Variants in WDR59 observed in about 807,000 individuals in gnomAD.
WDR59 encodes the protein WD repeat domain 59.
Under a neutral mutation model 131.2 loss-of-function variants are expected in WDR59, and 100 were observed. The ratio of observed to expected loss-of-function variants is 0.76; its 90% confidence interval spans 0.65 to 0.90. WDR59 has a LOEUF of 0.90. Among genes scored for constraint, WDR59 ranks in the 40% least tolerant of loss-of-function variants. The pLI, the probability that WDR59 is intolerant of heterozygous loss-of-function variation, is 0.00. For missense variants in WDR59, 1,203 were observed against 1,262.2 expected, an observed-to-expected ratio of 0.95 and a Z score of 0.71; for synonymous variants, 601 against 466.2, an observed-to-expected ratio of 1.29 and a Z score of -3.72.
chr16:74,905,488 T>C (rs1965760336), intron 17 of WDR59, among the ~76,000 whole-genome samples: 1 of 151,192 alleles, frequency 6.6e-6, no homozygotes, highest in Admixed American at 6.6e-5. Flanking sequence ...GAGACCATCC[T>C]GGCTAACATG....
In WDR59 at chr16:74,892,535, A is replaced by G. The variant is rs1270893057; in HGVS notation, c.2031T>C (p.Cys677=). The change falls in exon 20 of 26, where the codon TGT becomes TGC. Residue 677 remains cysteine (C), a synonymous_variant. Transcript: ENST00000262144. ...ILNVNDIQET[C]QKNAASALLV... ...GCAAGGCAGAGGCGGCATTCTTCTGACATGTTTCCTGAATATCATTCACAT... is the reference window on the plus strand; with the variant it reads ...GCAAGGCAGAGGCGGCATTCTTCTGGCATGTTTCCTGAATATCATTCACAT... 6.2e-7 allele frequency: 1 copy of G among 1,613,868 alleles called. No homozygotes were observed. The highest frequency in any genetic ancestry group is 1.1e-5 in the South Asian group (1 of 91,070).
At chr16:74,934,929 C>T (rs1043502916) in intron 8 of WDR59, among the ~76,000 whole-genome samples, 1 of 151,926 alleles carries the variant, frequency 6.6e-6, no homozygotes, top group Admixed American at 6.6e-5. Context: ...ATGTTTCTCA[C>T]CAGAATGTAG....
chr16:74,938,508 G>A (rs2031979265), intron 7 of WDR59, among the ~76,000 whole-genome samples: 1 of 152,104 alleles, frequency 6.6e-6, no homozygotes, highest in African/African-American at 2.4e-5. Context: ...CCACTTCAAT[G>A]AAGGATACAA....
intron 3 of WDR59, 68 bp downstream of exon 3, chr16:74,956,407 G>T (rs1374969496): frequency 1.9e-6 from 3 of 1,574,242 alleles, no homozygotes; most frequent in Non-Finnish European, 2.6e-6. Context: ...CTCTACACAG[G>T]GCATAGATCT....
Position 74,898,731 on chromosome 16 carries a change from C to T in WDR59, c.1867-4919G>A, listed in dbSNP as rs75318655. 3.3e-3 allele frequency among the ~76,000 whole-genome samples: 496 copies of T among 152,326 alleles called. 9 individuals are homozygous for T. The highest frequency in any genetic ancestry group is 4.0e-3 in the Non-Finnish European group (270 of 68,028). Reference sequence around the variant, plus strand: ...AAGCCACCAACTGCTTCGCAGAAACCCCATTAGCAATGCATAATCCGCAGA... The same window carrying T: ...AAGCCACCAACTGCTTCGCAGAAACTCCATTAGCAATGCATAATCCGCAGA... On this transcript the variant is annotated intron_variant, in intron 18 of 25. Transcript: ENST00000262144.
chr16:74,933,425 C>G (rs1178171140), intron 8 of WDR59, among the ~76,000 whole-genome samples: 2 of 152,040 alleles, frequency 1.3e-5, no homozygotes, highest in Non-Finnish European at 2.9e-5. Context: ...CAGAGATTCA[C>G]CAAAATACTG....
intron 17 of WDR59, among the ~76,000 whole-genome samples, chr16:74,905,214 A>G (rs1299226045): frequency 6.6e-6 from 1 of 152,024 alleles, no homozygotes; most frequent in Non-Finnish European, 1.5e-5. Context: ...CATCACTACT[A>G]AAAATACAAA....
chr16:74,950,406 T>C lies in WDR59; in HGVS notation c.327-608A>G, dbSNP rs574278816. 2.0e-5 allele frequency among the ~76,000 whole-genome samples: 3 copies of C among 152,252 alleles called. No individual in the cohort carries two copies. The South Asian group carries it at 6.2e-4, about 32-fold the overall frequency. ...AACAAAGGAAAAACACATAAAGTAA[T>C]CTTTATCATTTTCTAAATCAAATTC... On this transcript the variant is annotated intron_variant, in intron 4 of 25. Coordinates refer to ENST00000262144, the MANE Select transcript of WDR59 (RefSeq NM_030581.4).
chr16:74,959,371 C>G (rs1316284624), intron 2 of WDR59: 3 of 296,484 alleles, frequency 1.0e-5, no homozygotes, highest in Non-Finnish European at 2.0e-5. Context: ...CACCGTCTAC[C>G]CACTTAAAGA....
chr16:74,885,144 C>A (rs1036608343), intron 25 of WDR59, among the ~76,000 whole-genome samples: 1 of 152,110 alleles, frequency 6.6e-6, no homozygotes, highest in African/African-American at 2.4e-5. Context: ...ATATCAACTA[C>A]TTCTGTTGCA....
intron 8 of WDR59, among the ~76,000 whole-genome samples, chr16:74,933,689 C>T (rs924069290): frequency 8.5e-5 from 13 of 152,256 alleles, no homozygotes; most frequent in Middle Eastern, 6.8e-3. Flanking sequence ...CAGGTTCAAG[C>T]GATTCTCCTG....
chr16:74,905,140 C>G (rs548246019), intron 17 of WDR59, among the ~76,000 whole-genome samples: 1 of 152,216 alleles, frequency 6.6e-6, no homozygotes, highest in Admixed American at 6.5e-5. Flanking sequence ...CTTTGGGAGG[C>G]CAAGGCGGGC....
In WDR59 at chr16:74,929,535, G is replaced by A. The variant is rs1043837624; in HGVS notation, c.652-5532C>T. ...ATCCAAAAGACAGGCAATAATGAAC[G>A]CTGGCAAGGATGTGGAGAAAAGGGA... On this transcript the variant is annotated intron_variant, in intron 8 of 25. Transcript: ENST00000262144. Among the ~76,000 whole-genome samples the A allele has an allele frequency of 1.5e-4, 23 of 152,138 alleles. 1 individual carries two copies. The highest frequency in any genetic ancestry group is 1.2e-3 in the Admixed American group (19 of 15,262).
At chr16:74,934,214 T>C (rs898975301) in intron 8 of WDR59, among the ~76,000 whole-genome samples, 5 of 152,226 alleles carry the variant, frequency 3.3e-5, no homozygotes, top group African/African-American at 9.6e-5. Context: ...TTAATATGAA[T>C]ACATTTCAGC....
rs140936498 is a variant in WDR59 at position 74,948,817 on chromosome 16, A to G, written c.408-261T>C. Among the ~76,000 whole-genome samples, 1,122 of 152,234 alleles carry G rather than the reference A, an allele frequency of 7.4e-3. 23 individuals carry two copies. Among genetic ancestry groups the G allele is most frequent in the African/African-American group, 0.025 (1,045 of 41,536 alleles). ...AGAGTTCGAGACCAGCCTGACCAAC[A>G]TGATGAAACCCCATCTCTACTAAAA... On this transcript the variant is annotated intron_variant, in intron 5 of 25. Transcript: ENST00000262144.
intron 14 of WDR59, 113 bp from the exon 15 acceptor site, chr16:74,910,030 C>A (rs12324959): frequency 0.079 from 68,595 of 864,666 alleles, 3,339 homozygotes; most frequent in Admixed American, 0.17. Context: ...TGTAGTGGTA[C>A]GATCTCGGCT....
At chr16:74,920,461 C>T (rs891542859) in intron 10 of WDR59, among the ~76,000 whole-genome samples, 2 of 152,084 alleles carry the variant, frequency 1.3e-5, no homozygotes, top group South Asian at 4.1e-4. Flanking sequence ...AGTGCAGTGG[C>T]ACAATCTCAG....
chr16:74,934,307 CT>C (rs201478635), intron 8 of WDR59, among the ~76,000 whole-genome samples: 33 of 150,804 alleles, frequency 2.2e-4, no homozygotes, highest in East Asian at 9.7e-4. Context: ...AAGATTAATC[CT>C]TTTTTTTTAA....
At position 74,939,405 on chromosome 16, in the gene WDR59, G is replaced by A. The variant is rs115790896; in HGVS notation, c.535-1139C>T. On this transcript the variant is annotated intron_variant, in intron 7 of 25. Transcript: ENST00000262144. ...CTGAATCAATATACTACAGCTATGC[G>A]ACACCAAATGATGATACAATATGAT... 5.6e-3 allele frequency among the ~76,000 whole-genome samples: 844 copies of A among 151,988 alleles called. 13 individuals are homozygous for A. Among genetic ancestry groups the A allele is most frequent in the South Asian group, 0.049 (237 of 4,810 alleles).
Sources: allele counts gnomAD v4.1 joint callset (sites outside exome capture counted in the v4.1 genomes callset), GRCh38; gene constraint gnomAD v4.1.1; transcripts MANE v1.5; gene names NCBI Gene and HGNC (gene_info 2026-07-23, HGNC 2026-07-21).